MMP19: variants seen among roughly 807,000 people sequenced by gnomAD.
MMP19 encodes matrix metallopeptidase 19.
In MMP19, 47 loss-of-function variants were observed where a neutral mutation model predicts 46.6. The observed-to-expected ratio is 1.01, with a 90% CI of 0.80 to 1.29. The LOEUF (loss-of-function observed/expected upper bound fraction) is 1.29, where lower values mean the gene tolerates loss of function less well. Ranked by LOEUF, MMP19 falls within the 50% of genes most tolerant of loss-of-function variation. The pLI, the probability that MMP19 is intolerant of heterozygous loss-of-function variation, is 0.00. For missense variants in MMP19, 589 were observed against 643.5 expected, an observed-to-expected ratio of 0.92 and a Z score of 0.92; for synonymous variants, 222 against 248.5, an observed-to-expected ratio of 0.89 and a Z score of 1.00.
chr12:55,842,244 C>T, intron 2 of MMP19, 109 bp downstream of exon 2: 2 of 859,572 alleles, frequency 2.3e-6, no homozygotes, highest in East Asian at 2.4e-5. Flanking sequence ...CTCTAAATCC[C>T]TGGCATGGTT....
intron 2 of MMP19, chr12:55,841,545 T>G: frequency 3.8e-6 from 1 of 262,148 alleles, no homozygotes; most frequent in Non-Finnish European, 7.4e-6. Flanking sequence ...CTTCCTTCCT[T>G]CCTTCCTTCC....
At chr12:55,839,334 G>A (rs947755011) in intron 5 of MMP19, among the ~76,000 whole-genome samples, 162 bp downstream of exon 5, 1 of 151,916 alleles carries the variant, frequency 6.6e-6, no homozygotes, top group African/African-American at 2.4e-5. Flanking sequence ...ACATAGAAGA[G>A]TCTGAGAAAA....
intron 2 of MMP19, 44 bp downstream of exon 2, chr12:55,842,309 C>T (rs1246567638): frequency 3.3e-6 from 5 of 1,506,028 alleles, no homozygotes; most frequent in Non-Finnish European, 3.7e-6. Flanking sequence ...GGAAGAAGAC[C>T]TTGAGACCTT....
intron 1 of MMP19, 148 bp downstream of exon 1, chr12:55,842,595 GC>G: frequency 2.4e-6 from 2 of 845,616 alleles, no homozygotes; most frequent in Non-Finnish European, 3.9e-6. Flanking sequence ...ACAAGGGGAA[GC>G]AGCGGGAGAT....
In MMP19 at chr12:55,837,671, A is replaced by G. The variant is rs1881343072; in HGVS notation, c.1072T>C (p.Trp358Arg). The G allele has an allele frequency of 6.2e-7, 1 of 1,614,080 alleles. No homozygotes were observed. The highest frequency in any genetic ancestry group is 1.1e-5 in the South Asian group (1 of 91,088). Residue 358 changes from tryptophan to arginine, a missense_variant, in exon 8 of 9, where the codon TGG becomes CGG. Trp to Arg is a moderately radical substitution (Grantham distance 101). Transcript: ENST00000322569. ...GACATCTTGAAATTAATGTAGCGCC[A>G]CACCTTGTCTCCTGAGAGCATGTGA... ...WIHFFKGDKV[W>R]RYINFKMSPG... is the part of the protein sequence containing the mutation.
At chr12:55,838,406 A>T in intron 6 of MMP19, 200 bp downstream of exon 6, 1 of 1,239,386 alleles carries the variant, frequency 8.1e-7, no homozygotes, top group Non-Finnish European at 1.2e-6. Context: ...CAGCCTTGGT[A>T]AGTGCCTGCC....
At chr12:55,838,400 C>T in intron 6 of MMP19, 1 of 1,181,916 alleles carries the variant, frequency 8.5e-7, no homozygotes, top group Non-Finnish European at 1.2e-6. Context: ...GCGTGGCAGC[C>T]TTGGTAAGTG....
In MMP19 at chr12:55,839,482, G is replaced by C; in HGVS notation, c.766+14C>G. 1 of 1,596,208 alleles carries C rather than the reference G, an allele frequency of 6.3e-7. No individual in the cohort carries two copies. Among genetic ancestry groups the C allele is most frequent in the South Asian group, 1.1e-5 (1 of 89,762 alleles). On this transcript the variant is annotated intron_variant, in intron 5 of 8. Coordinates refer to ENST00000322569, the MANE Select transcript of MMP19 (RefSeq NM_002429.6). The stretch of plus-strand genomic sequence containing the variant: ...TCAGACTGACCCTCCCCCTCACTAG[G>C]GGGAGGGACTGACCATAGAGAGCCT...
Position 55,841,583 on chromosome 12 carries a change from CCTTT to C in MMP19, c.174-351_174-348del, listed in dbSNP as rs1195018164. ...TCTTTTTCTTCTCTCTTTCTTTCTT[CCTTT>C]CTTTCTTTTTTGGTAGAGATGGGGT... On this transcript the variant is annotated intron_variant, in intron 2 of 8. Coordinates refer to ENST00000322569, the MANE Select transcript of MMP19 (RefSeq NM_002429.6). Among the ~76,000 whole-genome samples the C allele has an allele frequency of 3.3e-5, 5 of 149,796 alleles. No homozygotes were observed. In the Admixed American group the frequency reaches 3.4e-4, roughly 10 times the overall value.
rs776604927 is a variant in MMP19, at chr12:55,841,109, G to A, written c.301C>T (p.Leu101=). The change falls in exon 3 of 9, where the codon CTG becomes TTG. Residue 101 remains leucine (L), a synonymous_variant. Transcript: ENST00000322569. ...FNQKTLKYLL[L]GRWRKKHLTF... ...CTTTTCCAGGCTCTGTTCTCACCCA[G>A]CAACAGGTATTTAAGGGTCTTCTGG... 2 of 1,611,478 alleles carry A rather than the reference G, an allele frequency of 1.2e-6. No individual in the cohort carries two copies. Among genetic ancestry groups the A allele is most frequent in the African/African-American group, 1.3e-5 (1 of 74,830 alleles).
chr12:55,838,238 G>C, intron 6 of MMP19: 1 of 621,892 alleles, frequency 1.6e-6, no homozygotes, highest in South Asian at 2.0e-5. Flanking sequence ...AAGCCCTGCA[G>C]ATAGCTATTC....
rs1363596662 is a variant in MMP19, at chr12:55,836,138, G to C, written c.*898C>G. On this transcript the variant is annotated 3_prime_UTR_variant, in exon 9 of 9. Coordinates refer to ENST00000322569, the MANE Select transcript of MMP19 (RefSeq NM_002429.6). ...CTCTCCTGCGCAGGGTCTGTTCCTG[G>C]TTTCCCAGATGCATAAAGGAAGACA... 6.6e-6 allele frequency: 1 copy of C among 152,162 alleles called. No individual in the cohort carries two copies. The highest frequency in any genetic ancestry group is 1.5e-5 in the Non-Finnish European group (1 of 68,044). The allele number at this position is 152,162 out of a possible 1,614,324, so 9.4% of individuals were successfully genotyped here.
intron 1 of MMP19, 79 bp downstream of exon 1, chr12:55,842,664 AG>A (rs1406614246): frequency 8.3e-7 from 1 of 1,201,554 alleles, no homozygotes; most frequent in Admixed American, 2.0e-5. Context: ...GCTGAAGGTC[AG>A]GAGGGAGGCT....
intron 4 of MMP19, chr12:55,839,990 C>T: frequency 1.9e-6 from 1 of 520,818 alleles, no homozygotes. Context: ...CTGGCCCATA[C>T]CTCTAAGGTA....
chr12:55,837,445 C>T lies in MMP19; in HGVS notation c.1189-71G>A. The T allele has an allele frequency of 2.5e-6, 4 of 1,578,984 alleles. No homozygotes were observed. The Admixed American group carries it at 5.3e-5, about 21-fold the overall frequency. On this transcript the variant is annotated intron_variant, in intron 8 of 8. Coordinates refer to ENST00000322569, the MANE Select transcript of MMP19 (RefSeq NM_002429.6). ...CTTAGGACCCCCAGGGGTCCACCCC[C>T]AGCCCACTGCAGCTGCAGAACATCT...
chr12:55,842,775 C>T lies in MMP19; in HGVS notation c.56G>A (p.Arg19Gln), dbSNP rs148657591. 6.4e-5 allele frequency: 103 copies of T among 1,607,504 alleles called. No homozygotes were observed. The African/African-American group carries it at 1.2e-3, about 18-fold the overall frequency. ...GFLLPMTVSG[R>Q]VLGLAEVAPV... is the part of the protein sequence containing the mutation. ...CGCCACCTCTGCAAGCCCCAGGACC[C>T]GGCCTGAGACTGTCATGGGGAGTAG... Residue 19 changes from arginine (R) to glutamine (Q), a missense_variant, in exon 1 of 9, where the codon CGG (arginine) becomes CAG (glutamine). By Grantham distance (43) the Arg-to-Gln change is conservative. Transcript: ENST00000322569.
In MMP19 at chr12:55,837,834, C is replaced by A. The variant is rs778357950; in HGVS notation, c.1060+9G>T. The stretch of plus-strand genomic sequence containing the variant: ...TCCTCAAGTAAGACACTGTAACTAG[C>A]CTCCTTACCCTTAAAGAAGTGAATC... On this transcript the variant is annotated intron_variant, in intron 7 of 8. Transcript: ENST00000322569. 1.3e-6 allele frequency: 2 copies of A among 1,597,962 alleles called. No homozygotes were observed. The highest frequency in any genetic ancestry group is 2.2e-5 in the East Asian group (1 of 44,462).
Position 55,838,890 on chromosome 12 carries a change from C to T in MMP19, c.767-156G>A, listed in dbSNP as rs186948962. The stretch of plus-strand genomic sequence containing the variant: ...GTAGGCAATATTATGTTGATATCAG[C>T]GGGAGACACGTTCTAGGTTTGAGAG... On this transcript the variant is annotated intron_variant, in intron 5 of 8. Transcript: ENST00000322569. Among the ~76,000 whole-genome samples the T allele has an allele frequency of 2.3e-3, 346 of 152,166 alleles. 1 individual carries two copies. The highest frequency in any genetic ancestry group is 3.5e-3 in the Non-Finnish European group (239 of 67,994).
intron 4 of MMP19, 80 bp from the exon 5 acceptor site, chr12:55,839,821 T>G: frequency 6.7e-7 from 1 of 1,486,012 alleles, no homozygotes; most frequent in Non-Finnish European, 9.1e-7. Context: ...TAAACTCTAA[T>G]TAATGCATAC....
Sources: allele counts gnomAD v4.1 joint callset (sites outside exome capture counted in the v4.1 genomes callset), GRCh38; gene constraint gnomAD v4.1.1; transcripts MANE v1.5; gene names NCBI Gene and HGNC (gene_info 2026-07-23, HGNC 2026-07-21).